Variants in UBE2R2 observed in about 807,000 individuals in gnomAD.
UBE2R2 encodes the protein ubiquitin-conjugating enzyme E2 R2.
In UBE2R2, 1 loss-of-function variant was observed where a neutral mutation model predicts 27.8. The observed-to-expected ratio is 0.04, with a 90% CI of 0.01 to 0.17. The LOEUF is 0.17. UBE2R2 is among the 10% of genes least tolerant of loss of function. The pLI is 1.00. For synonymous variants in UBE2R2, 106 were observed against 113.3 expected (o/e 0.94, Z 0.41); for missense variants, 100 against 291.0 (o/e 0.34, Z 4.78).
intron 2 of UBE2R2, among the ~76,000 whole-genome samples, chr9:33,891,662 T>C (rs138645439): frequency 3.0e-3 from 454 of 152,066 alleles, no homozygotes; most frequent in Non-Finnish European, 4.7e-3. Flanking sequence ...AATAAATAAA[T>C]AAATAAATCA....
At chr9:33,819,520 T>C (rs996159867) in intron 1 of UBE2R2, among the ~76,000 whole-genome samples, 2 of 152,240 alleles carry the variant, frequency 1.3e-5, no homozygotes, top group East Asian at 1.9e-4. Context: ...ATGCAACTTA[T>C]TAGTAACAAA....
chr9:33,831,405 T>A (rs1329425044), intron 1 of UBE2R2, among the ~76,000 whole-genome samples: 1 of 152,232 alleles, frequency 6.6e-6, no homozygotes, highest in African/African-American at 2.4e-5. Context: ...TTTTCCTTCT[T>A]ATGACTTAAT....
In UBE2R2 at chr9:33,817,552, C is replaced by T. The variant is rs1825826304; in HGVS notation, c.-206C>T. ...CCGGCCCGAGTGTGAGGAGAAGGGCCCGGCCCGGCCTGCGTCGTGTGTGAG... is the reference window on the plus strand; with the variant it reads ...CCGGCCCGAGTGTGAGGAGAAGGGCTCGGCCCGGCCTGCGTCGTGTGTGAG... On this transcript the variant is annotated 5_prime_UTR_variant, in exon 1 of 5. Coordinates refer to ENST00000263228, the MANE Select transcript of UBE2R2 (RefSeq NM_017811.4). 1 of 365,138 alleles carries T rather than the reference C, an allele frequency of 2.7e-6. No homozygotes were observed. The highest frequency in any genetic ancestry group is 4.0e-6 in the Non-Finnish European group (1 of 248,236). The allele number at this position is 365,138 out of a possible 1,614,324, so 22.6% of individuals were successfully genotyped here.
Position 33,817,592 on chromosome 9 carries a change from G to A in UBE2R2, c.-166G>A. ...TCGTGTGTGAGGAGGACCCCGGGCG[G>A]GCCCACGGGCCGTGTGGGGCCTGGT... On this transcript the variant is annotated 5_prime_UTR_variant, in exon 1 of 5. Coordinates refer to ENST00000263228, the MANE Select transcript of UBE2R2 (RefSeq NM_017811.4). 2 of 754,864 alleles carry A rather than the reference G, an allele frequency of 2.6e-6. No homozygotes were observed. Among genetic ancestry groups the A allele is most frequent in the Non-Finnish European group, 3.3e-6 (2 of 598,044 alleles). 46.8% of individuals were successfully genotyped at this position (754,864 alleles called of 1,614,324 possible). A position where few individuals can be genotyped will look rare whatever the true frequency, so the allele number is the denominator to read the frequency against.
At chr9:33,899,282 C>G (rs543407239) in intron 2 of UBE2R2, among the ~76,000 whole-genome samples, 1 of 152,274 alleles carries the variant, frequency 6.6e-6, no homozygotes, top group South Asian at 2.1e-4. Context: ...TCACTGCAAC[C>G]TCCGCCTCCC....
chr9:33,863,801 C>G (rs1048587278), intron 1 of UBE2R2, among the ~76,000 whole-genome samples: 1 of 151,994 alleles, frequency 6.6e-6, no homozygotes, highest in African/African-American at 2.4e-5. Flanking sequence ...GATTCTCCTG[C>G]CTCAGCCTCC....
chr9:33,859,797 T>TGTGTGA (rs1554673620), intron 1 of UBE2R2, among the ~76,000 whole-genome samples: 1 of 78,344 alleles, frequency 1.3e-5, no homozygotes, highest in Non-Finnish European at 2.8e-5. Context: ...TGTGTGTGTG[T>TGTGTGA]GTGAGAGAGA....
intron 4 of UBE2R2, 143 bp downstream of exon 4, chr9:33,912,241 C>G (rs901313239): frequency 1.3e-6 from 1 of 770,898 alleles, no homozygotes; most frequent in Non-Finnish European, 2.0e-6. Context: ...GAGAAGATTT[C>G]TGCCTGAGCC....
intron 2 of UBE2R2, 94 bp from the exon 3 acceptor site, chr9:33,900,080 C>A (rs768294460): frequency 1.9e-5 from 16 of 840,322 alleles, no homozygotes; most frequent in Non-Finnish European, 2.8e-5. Context: ...GATGAAGAAA[C>A]AGTTTCTAGG....
intron 1 of UBE2R2, among the ~76,000 whole-genome samples, chr9:33,836,602 A>G (rs1049417945): frequency 2.0e-5 from 3 of 152,042 alleles, no homozygotes; most frequent in African/African-American, 7.2e-5. Flanking sequence ...CTAAAAATAC[A>G]AAAAATTAGC....
At chr9:33,848,849 C>G (rs1820901359) in intron 1 of UBE2R2, among the ~76,000 whole-genome samples, 1 of 151,964 alleles carries the variant, frequency 6.6e-6, no homozygotes, top group Non-Finnish European at 1.5e-5. Flanking sequence ...GGTGATCCAA[C>G]CACCTTGGCC....
chr9:33,844,515 A>ATTTTTTTTTTTTTTTTTTTTTTTTTT (rs34578523), intron 1 of UBE2R2, among the ~76,000 whole-genome samples: 1 of 110,168 alleles, frequency 9.1e-6, no homozygotes. Context: ...TCCCACATCT[A>ATTTTTTTTTTTTTTTTTTTTTTTTTT]TTTTTTTTTT....
intron 1 of UBE2R2, among the ~76,000 whole-genome samples, chr9:33,821,139 A>T (rs1350558028): frequency 6.6e-6 from 1 of 152,170 alleles, no homozygotes; most frequent in Non-Finnish European, 1.5e-5. Context: ...AAGACTTTTA[A>T]CAAGTTCACC....
chr9:33,888,920 CCA>C (rs1230750434), intron 2 of UBE2R2, among the ~76,000 whole-genome samples: 2 of 152,274 alleles, frequency 1.3e-5, no homozygotes, highest in African/African-American at 4.8e-5. Context: ...GTGTCATTTT[CCA>C]CAGTCTGTTT....
intron 1 of UBE2R2, among the ~76,000 whole-genome samples, chr9:33,881,155 A>T (rs1274382272): frequency 1.3e-5 from 2 of 152,104 alleles, no homozygotes; most frequent in Admixed American, 1.3e-4. Flanking sequence ...TTGTGAATTG[A>T]TCCCCTTATG....
chr9:33,889,658 G>C (rs1821936574), intron 2 of UBE2R2, among the ~76,000 whole-genome samples: 1 of 152,146 alleles, frequency 6.6e-6, no homozygotes, highest in Admixed American at 6.6e-5. Context: ...AAGTGAGAAG[G>C]AGCAAACTTT....
intron 1 of UBE2R2, among the ~76,000 whole-genome samples, chr9:33,885,278 A>T (rs945531332): frequency 6.6e-6 from 1 of 152,204 alleles, no homozygotes. Flanking sequence ...GACTCACAAT[A>T]ATTTGTCAGA....
At chr9:33,901,805 T>C (rs1822250136) in intron 3 of UBE2R2, among the ~76,000 whole-genome samples, 1 of 152,202 alleles carries the variant, frequency 6.6e-6, no homozygotes, top group Non-Finnish European at 1.5e-5. Context: ...CTTACCAATA[T>C]ATTTTTTAAG....
At chr9:33,874,645 A>G (rs754982885) in intron 1 of UBE2R2, among the ~76,000 whole-genome samples, 22 of 151,770 alleles carry the variant, frequency 1.4e-4, no homozygotes, top group Non-Finnish European at 2.6e-4. Flanking sequence ...TTTTCATTTC[A>G]TTTGTGAAAA....
Sources: allele counts gnomAD v4.1 joint callset (sites outside exome capture counted in the v4.1 genomes callset), GRCh38; gene constraint gnomAD v4.1.1; transcripts MANE v1.5; gene names NCBI Gene and HGNC (gene_info 2026-07-23, HGNC 2026-07-21).